CASD1: variants seen among roughly 807,000 people sequenced by gnomAD.
CASD1 encodes N-acetylneuraminate (7)9-O-acetyltransferase.
In CASD1, 41 loss-of-function variants were observed where a neutral mutation model predicts 100.0. The observed-to-expected ratio is 0.41, with a 90% CI of 0.32 to 0.53. CASD1 has a LOEUF of 0.53. Among genes scored for constraint, CASD1 ranks in the 20% least tolerant of loss-of-function variants. The pLI is 0.25. For missense variants in CASD1, 774 were observed against 948.7 expected, an observed-to-expected ratio of 0.82 and a Z score of 2.42; for synonymous variants, 321 against 315.6, an observed-to-expected ratio of 1.02 and a Z score of -0.18.
rs1794973538 is a variant in CASD1 at position 94,533,788 on chromosome 7, A to T, written c.614A>T (p.Tyr205Phe). Residue 205 changes from tyrosine to phenylalanine, a missense_variant, in exon 7 of 18, where the codon TAT (tyrosine) becomes TTT (phenylalanine). Tyr to Phe is a conservative substitution (Grantham distance 22, BLOSUM62 3). Around this residue, in one of 5 missense-constraint regions of CASD1, gnomAD observed 453 missense variants for 532.6 expected, o/e 0.85. Coordinates refer to ENST00000297273, the MANE Select transcript of CASD1 (RefSeq NM_022900.5). ...LEKLAKTSDV[Y>F]WVLQDPVYED... The stretch of plus-strand genomic sequence containing the variant: ...AAATTGGCAAAGACTAGTGATGTTT[A>T]TTGGGTCTTACAAGGTAAGGAATGA... 6.3e-7 allele frequency: 1 copy of T among 1,584,086 alleles called. No homozygotes were observed. The highest frequency in any genetic ancestry group is 1.2e-5 in the South Asian group (1 of 86,110).
At chr7:94,597,617 C>T in the CASD1 span, 2 of 152,260 alleles carry the variant, frequency 1.3e-5, no homozygotes, top group East Asian at 1.9e-4. Context: ...GCCATTCCAT[C>T]TATAAAAGTA....
chr7:94,587,902 C>T, the CASD1 span: 12 of 1,487,984 alleles, frequency 8.1e-6, no homozygotes, highest in South Asian at 1.7e-4. Context: ...TTTTAAGAGA[C>T]TTACTTAATA....
intron 9 of CASD1, among the ~76,000 whole-genome samples, chr7:94,538,224 A>G (rs1301489026): frequency 6.6e-6 from 1 of 152,190 alleles, no homozygotes; most frequent in Non-Finnish European, 1.5e-5. Context: ...CAAGCATGAG[A>G]TACTATTATC....
chr7:94,528,170 C>G lies in CASD1; in HGVS notation c.397-18C>G, dbSNP rs1301945361. 13 of 1,562,136 alleles carry G rather than the reference C, an allele frequency of 8.3e-6. No homozygotes were observed. The highest frequency in any genetic ancestry group is 1.4e-5 in the African/African-American group (1 of 73,014). The stretch of plus-strand genomic sequence containing the variant: ...AGTTTCTTCAACTTTTTCTTTACTT[C>G]TAACATTTCTCTTTTAGGATTTTCT... On this transcript the variant is annotated intron_variant, in intron 4 of 17. Transcript: ENST00000297273.
At chr7:94,629,691 T>G in the CASD1 span, 1 of 1,609,324 alleles carries the variant, frequency 6.2e-7, no homozygotes, top group Non-Finnish European at 8.5e-7. Context: ...GTACGTTAAC[T>G]GCTTTTTTTT....
chr7:94,595,960 C>T, the CASD1 span, among the ~76,000 whole-genome samples: 1 of 152,064 alleles, frequency 6.6e-6, no homozygotes, highest in Non-Finnish European at 1.5e-5. Flanking sequence ...CCTGCAGTGC[C>T]TCAGAATAAT....
At chr7:94,606,632 A>G in the CASD1 span, among the ~76,000 whole-genome samples, 2 of 152,224 alleles carry the variant, frequency 1.3e-5, no homozygotes, top group African/African-American at 4.8e-5. Flanking sequence ...GACAGGTTTT[A>G]ATAGACACTT....
intron 1 of CASD1, among the ~76,000 whole-genome samples, chr7:94,510,627 A>G (rs1281667153): frequency 6.6e-6 from 1 of 152,200 alleles, no homozygotes; most frequent in Non-Finnish European, 1.5e-5. Flanking sequence ...GCCGCCCTGC[A>G]AGGGGCACCG....
chr7:94,533,277 A>C (rs747683332), intron 6 of CASD1, 28 bp downstream of exon 6: 5 of 1,578,752 alleles, frequency 3.2e-6, no homozygotes, highest in Non-Finnish European at 4.3e-6. Flanking sequence ...TTCTTACTTA[A>C]TGATTTTGTT....
chr7:94,556,883 T>C lies in CASD1; in HGVS notation c.*1125T>C, dbSNP rs1007286553. 5 of 152,070 alleles carry C rather than the reference T, an allele frequency of 3.3e-5. No individual in the cohort carries two copies. Among genetic ancestry groups the C allele is most frequent in the Non-Finnish European group, 7.4e-5 (5 of 67,926 alleles). The allele number at this position is 152,070 out of a possible 1,614,324, so 9.4% of individuals were successfully genotyped here. A position where few individuals can be genotyped will look rare whatever the true frequency, so the allele number is the denominator to read the frequency against. On this transcript the variant is annotated 3_prime_UTR_variant, in exon 18 of 18. Transcript: ENST00000297273. ...AGATTGCACTTGTTTGCTTTTACTA[T>C]ATGTGGGGTAAAATATATTTTCTGT...
downstream of CASD1, among the ~76,000 whole-genome samples, chr7:94,560,998 A>C (rs1014707839): frequency 3.3e-5 from 5 of 152,274 alleles, no homozygotes; most frequent in Middle Eastern, 3.4e-3. Context: ...ACAAGTGGGA[A>C]CATTTTAGAA....
the CASD1 span, chr7:94,600,619 T>G: frequency 6.6e-7 from 1 of 1,515,002 alleles, no homozygotes; most frequent in Non-Finnish European, 9.2e-7. Context: ...GGATCTCTAA[T>G]TATCTTATTA....
chr7:94,609,436 G>C, the CASD1 span, among the ~76,000 whole-genome samples: 1 of 152,212 alleles, frequency 6.6e-6, no homozygotes, highest in Non-Finnish European at 1.5e-5. Flanking sequence ...GGAGGCTGAG[G>C]CATGAGAATC....
chr7:94,585,507 A>G, the CASD1 span: 1 of 1,605,658 alleles, frequency 6.2e-7, no homozygotes, highest in Admixed American at 1.7e-5. Flanking sequence ...CTTCAGGGAT[A>G]CCATTTACCT....
chr7:94,596,994 T>G, the CASD1 span, among the ~76,000 whole-genome samples: 477 of 152,264 alleles, frequency 3.1e-3, 3 homozygotes, highest in African/African-American at 0.01. Context: ...GTTGTTAAAT[T>G]CTGAATTATT....
At chr7:94,610,446 C>T in the CASD1 span, among the ~76,000 whole-genome samples, 2 of 152,088 alleles carry the variant, frequency 1.3e-5, no homozygotes, top group African/African-American at 4.8e-5. Flanking sequence ...GGAGGCGATG[C>T]AAAAGCAATC....
At chr7:94,623,427 A>ACATTTCACTTCTTTAATATG in the CASD1 span, 1 of 1,367,764 alleles carries the variant, frequency 7.3e-7, no homozygotes, top group Non-Finnish European at 1.0e-6. Context: ...ATATTAAAGA[A>ACATTTCACTTCTTTAATATG]GTGAAATGTT....
chr7:94,596,073 GGA>G, the CASD1 span, among the ~76,000 whole-genome samples: 1 of 151,910 alleles, frequency 6.6e-6, no homozygotes, highest in African/African-American at 2.4e-5. Flanking sequence ...AAGGTTTTCT[GGA>G]CTTAAAAATA....
chr7:94,535,828 C>A (rs571446472), intron 8 of CASD1, among the ~76,000 whole-genome samples: 1 of 152,186 alleles, frequency 6.6e-6, no homozygotes, highest in Admixed American at 6.5e-5. Flanking sequence ...ATGTTCTCAG[C>A]ACACTCACAT....
Sources: allele counts gnomAD v4.1 joint callset (sites outside exome capture counted in the v4.1 genomes callset), GRCh38; gene constraint gnomAD v4.1.1; regional missense constraint gnomAD v4.1.1; transcripts MANE v1.5; gene names NCBI Gene and HGNC (gene_info 2026-07-23, HGNC 2026-07-21).